The following WSCD2 variants were observed in gnomAD, a reference collection of about 807,000 sequenced individuals.
WSCD2 encodes WSC domain sialate O sulfotransferase 2, also known as sialate:O-sulfotransferase 2.
WSCD2 carries 28 observed loss-of-function variants against 55.7 expected under a neutral mutation model. The observed-to-expected ratio is 0.50, with a 90% CI of 0.37 to 0.69. The LOEUF is 0.69. Among genes scored for constraint, WSCD2 ranks in the 30% least tolerant of loss-of-function variants. The probability of loss-of-function intolerance (pLI) is 0.00; values close to 1 mark genes in which losing one functional copy is unlikely to be tolerated. For missense variants in WSCD2, 616 were observed against 762.1 expected (o/e 0.81, Z 2.26); for synonymous variants, 301 against 301.9 (o/e 1.00, Z 0.03).
Position 108,248,166 on chromosome 12 carries a change from G to A in WSCD2, c.1521G>A (p.Leu507=), listed in dbSNP as rs767874569. The A allele has an allele frequency of 6.2e-7, 1 of 1,614,200 alleles. No homozygotes were observed. Among genetic ancestry groups the A allele is most frequent in the South Asian group, 1.1e-5 (1 of 91,086 alleles). Reference sequence around the variant, plus strand: ...GCGTGGCTGTCAGGGAGGACCGGCTGCTCTGTGTGGAGAGCCAGAAGGATG... The same window carrying A: ...GCGTGGCTGTCAGGGAGGACCGGCTACTCTGTGTGGAGAGCCAGAAGGATG... ...LLGVAVREDR[L]LCVESQKDGN... Residue 507 remains leucine (L), a synonymous_variant, in exon 9 of 9, where the codon CTG becomes CTA. Transcript: ENST00000547525. The surrounding 1 kb of genome is among the most constrained non-coding windows in gnomAD (Gnocchi z 4.3).
intron 7 of WSCD2, among the ~76,000 whole-genome samples, chr12:108,234,043 G>C (rs558417016): frequency 6.6e-6 from 1 of 152,310 alleles, no homozygotes; most frequent in East Asian, 1.9e-4. Context: ...AAGCAGGGGT[G>C]TCTCATCTTT....
chr12:108,155,299 C>T (rs1439192736), intron 1 of WSCD2, among the ~76,000 whole-genome samples: 4 of 152,266 alleles, frequency 2.6e-5, no homozygotes, highest in Non-Finnish European at 4.4e-5. Flanking sequence ...TTGTGGCCCC[C>T]GTACCCTAGG....
chr12:108,218,524 A>G (rs10735427), intron 4 of WSCD2, among the ~76,000 whole-genome samples: 101,984 of 152,158 alleles, frequency 0.67, 34,560 homozygotes, highest in East Asian at 0.72. Context: ...TGAGCCCAAA[A>G]GATGGGTGCC....
chr12:108,194,879 T>A (rs930400464), intron 1 of WSCD2, among the ~76,000 whole-genome samples: 2 of 152,190 alleles, frequency 1.3e-5, no homozygotes, highest in African/African-American at 4.8e-5. Flanking sequence ...TGGTTCAGAA[T>A]TGCCCAGGTT....
At chr12:108,219,030 C>T (rs574130488) in intron 4 of WSCD2, among the ~76,000 whole-genome samples, 17 of 152,284 alleles carry the variant, frequency 1.1e-4, no homozygotes, top group African/African-American at 3.9e-4. Context: ...AATGTCAAAC[C>T]CCTGGTGGCA....
intron 4 of WSCD2, among the ~76,000 whole-genome samples, chr12:108,223,799 A>G (rs561914446): frequency 6.6e-6 from 1 of 152,154 alleles, no homozygotes; most frequent in African/African-American, 2.4e-5. Context: ...ACTGACTGAC[A>G]TTGGAAGCTA....
intron 1 of WSCD2, among the ~76,000 whole-genome samples, chr12:108,172,854 G>T (rs952095780): frequency 2.6e-5 from 4 of 152,154 alleles, no homozygotes; most frequent in Non-Finnish European, 5.9e-5. Flanking sequence ...TAACACATCA[G>T]GTGCTATGGT....
chr12:108,201,536 C>G (rs759627987), intron 2 of WSCD2, among the ~76,000 whole-genome samples: 1 of 151,862 alleles, frequency 6.6e-6, no homozygotes, highest in African/African-American at 2.4e-5. Flanking sequence ...CGGGACAGGG[C>G]ACACAATTCA....
intron 1 of WSCD2, among the ~76,000 whole-genome samples, chr12:108,150,864 G>T (rs1220376477): frequency 1.3e-5 from 2 of 152,108 alleles, no homozygotes; most frequent in Non-Finnish European, 2.9e-5. Flanking sequence ...TGGAAAAAAG[G>T]CCCCTTGTTG....
chr12:108,236,004 C>A lies in WSCD2; in HGVS notation c.1144+3109C>A, dbSNP rs145001885. 2.5e-3 allele frequency among the ~76,000 whole-genome samples: 385 copies of A among 152,306 alleles called. 1 individual carries two copies. The highest frequency in any genetic ancestry group is 8.9e-3 in the African/African-American group (370 of 41,560). ...CTTAACTTCATGAAATCCTTTGCCGCATTTGCCACACTGGGGCAAAGTTCT... is the reference window on the plus strand; with the variant it reads ...CTTAACTTCATGAAATCCTTTGCCGAATTTGCCACACTGGGGCAAAGTTCT... On this transcript the variant is annotated intron_variant, in intron 7 of 8. Coordinates refer to ENST00000547525, the MANE Select transcript of WSCD2 (RefSeq NM_014653.4).
intron 1 of WSCD2, among the ~76,000 whole-genome samples, chr12:108,171,081 G>A (rs1880192978): frequency 6.6e-6 from 1 of 152,232 alleles, no homozygotes; most frequent in African/African-American, 2.4e-5. Flanking sequence ...ACTAGTCTGG[G>A]TGGCAGAGAC....
intron 1 of WSCD2, among the ~76,000 whole-genome samples, chr12:108,176,872 C>A (rs1880942660): frequency 6.6e-6 from 1 of 152,070 alleles, no homozygotes; most frequent in South Asian, 2.1e-4. Context: ...TTAAAAACCT[C>A]CTGTCTAGAC....
chr12:108,132,891 C>A (rs1002139927), intron 1 of WSCD2, among the ~76,000 whole-genome samples: 2 of 152,062 alleles, frequency 1.3e-5, no homozygotes, highest in African/African-American at 4.8e-5. Flanking sequence ...TTTGTGTGTG[C>A]CTCTATGTGC....
chr12:108,141,937 T>C (rs1354670274), intron 1 of WSCD2, among the ~76,000 whole-genome samples: 1 of 152,170 alleles, frequency 6.6e-6, no homozygotes, highest in African/African-American at 2.4e-5. Context: ...TGGGAGCCTA[T>C]TGAAATCCCT....
At chr12:108,229,754 C>T (rs979291443) in intron 6 of WSCD2, among the ~76,000 whole-genome samples, 1 of 151,954 alleles carries the variant, frequency 6.6e-6, no homozygotes, top group Non-Finnish European at 1.5e-5. Flanking sequence ...CTTTTACCTT[C>T]GGGTTGGCCT....
chr12:108,230,436 T>C (rs772929878), intron 6 of WSCD2, among the ~76,000 whole-genome samples: 68 of 152,192 alleles, frequency 4.5e-4, no homozygotes, highest in Admixed American at 2.2e-3. Context: ...CCGGCATGTT[T>C]GTCTCAATCT....
In WSCD2 at chr12:108,162,664, C is replaced by T. The variant is rs1879195796; in HGVS notation, c.-551-32618C>T. On this transcript the variant is annotated intron_variant, in intron 1 of 8. Transcript: ENST00000547525. ...CCTGGGGAGAGGAACAGGGCTCAGACCCTCTTCTGAGCATCCTGGAGAATG... is the reference window on the plus strand; with the variant it reads ...CCTGGGGAGAGGAACAGGGCTCAGATCCTCTTCTGAGCATCCTGGAGAATG... Among the ~76,000 whole-genome samples the T allele has an allele frequency of 2.0e-5, 3 of 152,172 alleles. No individual in the cohort carries two copies. The South Asian group carries it at 6.2e-4, about 32-fold the overall frequency.
intron 8 of WSCD2, 90 bp from the exon 9 acceptor site, chr12:108,247,901 G>C (rs754185381): frequency 1.5e-5 from 21 of 1,369,010 alleles, no homozygotes; most frequent in Non-Finnish European, 2.0e-5. Context: ...GTGTTGTGCT[G>C]TGAATAATGG....
intron 8 of WSCD2, among the ~76,000 whole-genome samples, chr12:108,247,352 CAT>C (rs59034453): frequency 0.016 from 2,429 of 150,566 alleles, 67 homozygotes; most frequent in African/African-American, 0.056. Context: ...TAATATATAA[CAT>C]AATAATATGT....
Sources: allele counts gnomAD v4.1 joint callset (sites outside exome capture counted in the v4.1 genomes callset), GRCh38; gene constraint gnomAD v4.1.1; non-coding constraint Gnocchi (gnomAD v3.1); transcripts MANE v1.5; gene names NCBI Gene and HGNC (gene_info 2026-07-23, HGNC 2026-07-21).